Variants in MAGI1 observed in about 807,000 individuals in gnomAD.
MAGI1 encodes membrane-associated guanylate kinase, WW and PDZ domain-containing protein 1.
Under a neutral mutation model 139.9 loss-of-function variants are expected in MAGI1, and 58 were observed. The observed-to-expected ratio is 0.41, with a 90% CI of 0.34 to 0.52. The LOEUF is 0.52. Ranked by LOEUF, MAGI1 falls within the 20% of genes least tolerant of loss-of-function variation. The probability of loss-of-function intolerance (pLI) is 0.12; values close to 1 mark genes in which losing one functional copy is unlikely to be tolerated. For missense variants in MAGI1, 1,874 were observed against 1,901.6 expected (o/e 0.99, Z 0.27); for synonymous variants, 812 against 737.9 (o/e 1.10, Z -1.63).
At chr3:65,934,836 G>A (rs764497317) in intron 1 of MAGI1, among the ~76,000 whole-genome samples, 13 of 151,232 alleles carry the variant, frequency 8.6e-5, no homozygotes, top group Admixed American at 2.6e-4. Context: ...ATCCTCTTGT[G>A]AGCAAACATC....
intron 1 of MAGI1, among the ~76,000 whole-genome samples, chr3:65,669,659 G>T (rs2086737377): frequency 6.6e-6 from 1 of 152,166 alleles, no homozygotes; most frequent in African/African-American, 2.4e-5. Context: ...TTCATTTCCT[G>T]TTACAATTCT....
intron 2 of MAGI1, among the ~76,000 whole-genome samples, chr3:65,580,160 G>C (rs1324204309): frequency 1.3e-5 from 2 of 152,074 alleles, no homozygotes; most frequent in Non-Finnish European, 2.9e-5. Flanking sequence ...AATTTAAAAT[G>C]AAGCAAACTC....
At chr3:65,958,432 G>C (rs998203398) in intron 1 of MAGI1, among the ~76,000 whole-genome samples, 1 of 152,182 alleles carries the variant, frequency 6.6e-6, no homozygotes, top group Non-Finnish European at 1.5e-5. Context: ...CTCAAGAAGA[G>C]GCTTACCTGC....
At chr3:65,687,272 AT>A (rs1175354968) in intron 1 of MAGI1, 2 of 193,150 alleles carry the variant, frequency 1.0e-5, no homozygotes, top group Non-Finnish European at 2.2e-5. Context: ...GGGGTGATTG[AT>A]GCGGCTTCCA....
intron 12 of MAGI1, among the ~76,000 whole-genome samples, chr3:65,402,311 C>G (rs191379945): frequency 1.3e-5 from 2 of 152,106 alleles, no homozygotes; most frequent in South Asian, 2.1e-4. Context: ...CTTCCAAAAC[C>G]CTGTCCTTAG....
intron 1 of MAGI1, among the ~76,000 whole-genome samples, chr3:65,992,218 C>G (rs866010904): frequency 2.0e-5 from 3 of 152,104 alleles, no homozygotes; most frequent in Non-Finnish European, 4.4e-5. Context: ...CATACACTAA[C>G]TGGCATATAA....
chr3:65,719,759 C>G (rs1038026753), intron 1 of MAGI1, among the ~76,000 whole-genome samples: 1 of 152,048 alleles, frequency 6.6e-6, no homozygotes, highest in East Asian at 1.9e-4. Context: ...GTTGGCCAGG[C>G]TGGTCTCAAA....
At chr3:65,965,502 G>A (rs923439574) in intron 1 of MAGI1, among the ~76,000 whole-genome samples, 1 of 152,150 alleles carries the variant, frequency 6.6e-6, no homozygotes, top group Non-Finnish European at 1.5e-5. Flanking sequence ...ATTAGCAAAT[G>A]TTAGGGGGTG....
intron 2 of MAGI1, among the ~76,000 whole-genome samples, chr3:65,524,764 A>T (rs763790318): frequency 1.3e-5 from 2 of 152,160 alleles, no homozygotes; most frequent in African/African-American, 4.8e-5. Flanking sequence ...CAGGCCATGC[A>T]GAATTCCTAG....
intron 2 of MAGI1, among the ~76,000 whole-genome samples, chr3:65,500,463 TG>T (rs2077038076): frequency 1.3e-5 from 2 of 152,232 alleles, no homozygotes; most frequent in African/African-American, 4.8e-5. Context: ...GCAGTGTATC[TG>T]GCTTCAGAGA....
intron 2 of MAGI1, among the ~76,000 whole-genome samples, chr3:65,559,257 T>C (rs934642073): frequency 2.6e-5 from 4 of 152,206 alleles, no homozygotes; most frequent in African/African-American, 9.6e-5. Context: ...AACATTATGT[T>C]CCAAATTAGA....
intron 2 of MAGI1, among the ~76,000 whole-genome samples, chr3:65,562,888 T>C (rs1418808325): frequency 6.6e-6 from 1 of 152,232 alleles, no homozygotes; most frequent in East Asian, 1.9e-4. Context: ...CATCCATCTT[T>C]TAAAGTAGAT....
chr3:65,544,682 G>A (rs1407404827), intron 2 of MAGI1, among the ~76,000 whole-genome samples: 5 of 152,148 alleles, frequency 3.3e-5, no homozygotes, highest in Non-Finnish European at 7.4e-5. Context: ...TCTGTGTTAA[G>A]GCATGATTAC....
chr3:65,604,833 T>G (rs2082658984), intron 2 of MAGI1, among the ~76,000 whole-genome samples: 1 of 152,184 alleles, frequency 6.6e-6, no homozygotes, highest in African/African-American at 2.4e-5. Flanking sequence ...ACTGTAAATT[T>G]CAACAAGAAG....
intron 2 of MAGI1, among the ~76,000 whole-genome samples, chr3:65,510,277 ACC>A (rs1163492898): frequency 1.3e-5 from 2 of 152,252 alleles, no homozygotes; most frequent in East Asian, 1.9e-4. Flanking sequence ...GCAGTTCCTC[ACC>A]AGCAACGGAA....
intron 1 of MAGI1, among the ~76,000 whole-genome samples, chr3:65,833,110 A>C (rs2108302773): frequency 7.7e-6 from 1 of 129,158 alleles, no homozygotes; most frequent in Admixed American, 8.5e-5. Context: ...ACTGGAATGG[A>C]GGTCTACTGA....
intron 1 of MAGI1, among the ~76,000 whole-genome samples, chr3:65,661,745 G>GTTTTTTTTTTTTTTTTTTTTTTT (rs11369893): frequency 6.4e-5 from 6 of 93,920 alleles, no homozygotes; most frequent in African/African-American, 1.7e-4. Context: ...GTTTTTTTCT[G>GTTTTTTTTTTTTTTTTTTTTTTT]TTTTTTTTTT....
chr3:65,452,453 A>T (rs1381099847), intron 6 of MAGI1: 1 of 152,232 alleles, frequency 6.6e-6, no homozygotes, highest in Non-Finnish European at 1.5e-5. Flanking sequence ...GCCAGAATTG[A>T]ATAATGAGTA....
intron 3 of MAGI1, among the ~76,000 whole-genome samples, chr3:65,479,975 G>A (rs1370039704): frequency 1.3e-5 from 2 of 152,054 alleles, no homozygotes; most frequent in African/African-American, 4.8e-5. Context: ...AGTAAGGCCA[G>A]GAAGACAGGA....
Sources: allele counts gnomAD v4.1 joint callset (sites outside exome capture counted in the v4.1 genomes callset), GRCh38; gene constraint gnomAD v4.1.1; transcripts MANE v1.5; gene names NCBI Gene and HGNC (gene_info 2026-07-23, HGNC 2026-07-21).